CAPN9: variants seen among roughly 807,000 people sequenced by gnomAD.
CAPN9 encodes the protein calpain-9.
CAPN9 carries 81 observed loss-of-function variants against 92.8 expected under a neutral mutation model. The ratio of observed to expected loss-of-function variants is 0.87; its 90% confidence interval spans 0.73 to 1.05. The LOEUF is 1.05. CAPN9 is among the 50% of genes least tolerant of loss of function. The pLI is 0.00. For synonymous variants in CAPN9, 304 were observed against 328.0 expected (o/e 0.93, Z 0.79); for missense variants, 848 against 866.2 (o/e 0.98, Z 0.26).
intron 1 of CAPN9, chr1:230,752,650 C>G: frequency 1.0e-6 from 1 of 984,826 alleles, no homozygotes; most frequent in Non-Finnish European, 1.2e-6. Context: ...CAGCCCTGCC[C>G]CAGGAGCTAG....
chr1:230,786,503 A>T lies in CAPN9; in HGVS notation c.1518+486A>T, dbSNP rs1392299252. On this transcript the variant is annotated intron_variant, in intron 12 of 19. Transcript: ENST00000271971. ...CAATAACAAAAGTGAAGCCAGTCTG[A>T]TGTTGGACAGGCAGTTGCTAGGCAG... Among the ~76,000 whole-genome samples, 12 of 152,326 alleles carry T rather than the reference A, an allele frequency of 7.9e-5. No homozygotes were observed. The East Asian group carries it at 2.1e-3, about 27-fold the overall frequency.
intron 11 of CAPN9, among the ~76,000 whole-genome samples, chr1:230,783,492 G>A (rs1338996969): frequency 1.3e-5 from 2 of 152,140 alleles, no homozygotes; most frequent in Non-Finnish European, 1.5e-5. Flanking sequence ...GTGGTTAATA[G>A]TATGTGGCAC....
intron 2 of CAPN9, among the ~76,000 whole-genome samples, chr1:230,755,778 A>C (rs992068830): frequency 6.6e-6 from 1 of 151,812 alleles, no homozygotes; most frequent in Non-Finnish European, 1.5e-5. Flanking sequence ...TTCACAACCC[A>C]CCCTCCTAAC....
Position 230,774,607 on chromosome 1 carries a change from C to T in CAPN9, c.929C>T (p.Thr310Ile). 3.7e-6 allele frequency: 6 copies of T among 1,613,980 alleles called. No individual in the cohort carries two copies. The African/African-American group carries it at 4.0e-5, about 11-fold the overall frequency. ...GPAEQKRLCH[T>I]ALDDGEFWMA... is the part of the protein sequence containing the mutation. ...GCTGAGCAGAAGCGTCTGTGTCACA[C>T]TGCTCTGGATGATGGGGAATTCTGG... is the stretch of plus-strand genomic sequence containing the variant. The change falls in exon 8 of 20, where the codon ACT (threonine) becomes ATT (isoleucine). Residue 310 changes from threonine to isoleucine, a missense_variant. By Grantham distance (89) the Thr-to-Ile change is moderately conservative. Coordinates refer to ENST00000271971, the MANE Select transcript of CAPN9 (RefSeq NM_006615.3).
chr1:230,769,358 T>C (rs938395742), intron 6 of CAPN9, 95 bp downstream of exon 6: 22 of 907,154 alleles, frequency 2.4e-5, no homozygotes, highest in Non-Finnish European at 3.4e-5. Context: ...TTTAAATGTC[T>C]GCCTTTCAGG....
At chr1:230,766,160 G>A (rs1377846209) in intron 4 of CAPN9, among the ~76,000 whole-genome samples, 2 of 152,072 alleles carry the variant, frequency 1.3e-5, no homozygotes, top group Admixed American at 1.3e-4. Context: ...CAGTGGCACC[G>A]TAATAGCTCA....
At chr1:230,799,949 C>G (rs561975786) in intron 19 of CAPN9, among the ~76,000 whole-genome samples, 1 of 151,810 alleles carries the variant, frequency 6.6e-6, no homozygotes, top group South Asian at 2.1e-4. Context: ...GAGGCTGAGG[C>G]GGGTGAATCA....
At chr1:230,751,682 A>AGAAG (rs1572006648) in intron 1 of CAPN9, among the ~76,000 whole-genome samples, 1 of 149,056 alleles carries the variant, frequency 6.7e-6, no homozygotes, top group Non-Finnish European at 1.5e-5. Flanking sequence ...AAAGAAAGAA[A>AGAAG]GAAGGGTGGC....
At chr1:230,769,327 C>A in intron 6 of CAPN9, 64 bp downstream of exon 6, 2 of 1,202,016 alleles carry the variant, frequency 1.7e-6, no homozygotes, top group Non-Finnish European at 2.5e-6. Context: ...ATCCCTTAGG[C>A]ATTTATTCAG....
intron 1 of CAPN9, among the ~76,000 whole-genome samples, chr1:230,749,036 G>C (rs1329906647): frequency 4.6e-5 from 7 of 152,312 alleles, no homozygotes; most frequent in Non-Finnish European, 1.0e-4. Context: ...ATGCATAGGC[G>C]TGTATGTGGG....
intron 17 of CAPN9, 96 bp from the exon 18 acceptor site, chr1:230,795,067 C>A: frequency 1.3e-6 from 1 of 755,860 alleles, no homozygotes; most frequent in Non-Finnish European, 2.3e-6. Context: ...CTCTTCTGAG[C>A]CCTCTCCTCA....
intron 18 of CAPN9, among the ~76,000 whole-genome samples, chr1:230,796,903 T>G (rs1269392058): frequency 6.6e-6 from 1 of 152,216 alleles, no homozygotes; most frequent in Non-Finnish European, 1.5e-5. Flanking sequence ...TCTGGCATCC[T>G]CACATTAGAT....
intron 5 of CAPN9, among the ~76,000 whole-genome samples, chr1:230,768,759 C>G (rs1352164569): frequency 2.0e-5 from 3 of 151,890 alleles, no homozygotes; most frequent in Non-Finnish European, 4.4e-5. Flanking sequence ...GCCTTGGGGT[C>G]TGTTTTTTGC....
chr1:230,755,848 G>T (rs1273732476), intron 2 of CAPN9, among the ~76,000 whole-genome samples: 1 of 152,164 alleles, frequency 6.6e-6, no homozygotes, highest in African/African-American at 2.4e-5. Flanking sequence ...GGTCACAGAG[G>T]TGGTAGACAG....
At chr1:230,756,030 C>T (rs546575414) in intron 2 of CAPN9, among the ~76,000 whole-genome samples, 1 of 152,322 alleles carries the variant, frequency 6.6e-6, no homozygotes, top group African/African-American at 2.4e-5. Flanking sequence ...TCCAACTGGG[C>T]TGGGTTTACC....
Position 230,787,142 on chromosome 1 carries a change from C to T in CAPN9, c.1519-380C>T, listed in dbSNP as rs572934823. Among the ~76,000 whole-genome samples, 5 of 152,292 alleles carry T rather than the reference C, an allele frequency of 3.3e-5. 1 individual carries two copies. Among genetic ancestry groups the T allele is most frequent in the African/African-American group, 1.2e-4 (5 of 41,556 alleles). On this transcript the variant is annotated intron_variant, in intron 12 of 19. Transcript: ENST00000271971. ...GGTAGAAACAGACTCTTGCCTTCAA[C>T]GATTTTACCAGCTATCAAAACAGAT...
At chr1:230,752,459 G>A (rs1202418852) in intron 1 of CAPN9, among the ~76,000 whole-genome samples, 1 of 152,150 alleles carries the variant, frequency 6.6e-6, no homozygotes, top group Admixed American at 6.5e-5. Context: ...CATTGGGTGC[G>A]ATCTGGTTTA....
chr1:230,801,068 G>A (rs191313363), intron 19 of CAPN9, among the ~76,000 whole-genome samples: 1 of 152,306 alleles, frequency 6.6e-6, no homozygotes, highest in Admixed American at 6.5e-5. Context: ...TGTTGGGAAG[G>A]AGGAGGCAGG....
chr1:230,797,816 C>A (rs1204555704), intron 18 of CAPN9, among the ~76,000 whole-genome samples: 1 of 152,214 alleles, frequency 6.6e-6, no homozygotes, highest in Non-Finnish European at 1.5e-5. Context: ...CAAAACTTTA[C>A]GTGCGTGTGC....
Sources: gnomAD v4.1 joint callset for allele counts (sites outside exome capture counted in the v4.1 genomes callset) on GRCh38, gnomAD v4.1.1 for gene constraint, MANE v1.5 for transcripts, NCBI Gene and HGNC (gene_info 2026-07-23, HGNC 2026-07-21) for gene names.